Variants in GCNT2 observed in about 807,000 individuals in gnomAD.
GCNT2 encodes the protein glucosaminyl (N-acetyl) transferase 2 (I blood group), also known as N-acetyllactosaminide beta-1,6-N-acetylglucosaminyl-transferase.
A neutral mutation model predicts 34.2 loss-of-function variants in GCNT2; 34 were observed. The observed-to-expected ratio is 1.00, with a 90% CI of 0.76 to 1.32. The LOEUF (loss-of-function observed/expected upper bound fraction) is 1.32. GCNT2 is among the 40% of genes most tolerant of loss of function. The probability of loss-of-function intolerance (pLI) is 0.00; values close to 1 mark genes in which losing one functional copy is unlikely to be tolerated. For missense variants in GCNT2, 584 were observed against 489.4 expected, an observed-to-expected ratio of 1.19 and a Z score of -1.82; for synonymous variants, 212 against 188.0, an observed-to-expected ratio of 1.13 and a Z score of -1.04.
intron 3 of GCNT2, among the ~76,000 whole-genome samples, chr6:10,601,708 G>T (rs1429265324): frequency 6.6e-6 from 1 of 152,128 alleles, no homozygotes; most frequent in Non-Finnish European, 1.5e-5. Context: ...TTGGAAGGCT[G>T]AGGCAGGTGG....
intron 3 of GCNT2, among the ~76,000 whole-genome samples, chr6:10,585,397 A>G (rs1349076309): frequency 6.6e-6 from 1 of 152,096 alleles, no homozygotes; most frequent in East Asian, 1.9e-4. Context: ...TACAGATAAC[A>G]CTAAAATGAA....
chr6:10,539,945 G>A (rs1039505693), intron 3 of GCNT2, among the ~76,000 whole-genome samples: 3 of 152,172 alleles, frequency 2.0e-5, no homozygotes, highest in Admixed American at 6.5e-5. Context: ...GGGCTTGGAG[G>A]CGCGTGCCGG....
At chr6:10,538,796 A>G (rs188209786) in intron 3 of GCNT2, among the ~76,000 whole-genome samples, 23 of 152,308 alleles carry the variant, frequency 1.5e-4, no homozygotes, top group Middle Eastern at 6.8e-3. Flanking sequence ...TGCTTTGCCA[A>G]TTATACCATC....
chr6:10,533,526 G>A (rs751054650), intron 3 of GCNT2, among the ~76,000 whole-genome samples: 5 of 152,022 alleles, frequency 3.3e-5, no homozygotes, highest in Non-Finnish European at 2.9e-5. Context: ...GGTGGCTCTC[G>A]CCTGTAATCC....
chr6:10,582,135 A>T (rs1212772795), intron 3 of GCNT2, among the ~76,000 whole-genome samples: 9 of 139,078 alleles, frequency 6.5e-5, no homozygotes, highest in Non-Finnish European at 9.1e-5. Context: ...ATAAATGCAT[A>T]TATGATATAT....
intron 3 of GCNT2, among the ~76,000 whole-genome samples, chr6:10,599,537 G>T (rs1053911399): frequency 6.6e-6 from 1 of 152,176 alleles, no homozygotes; most frequent in Non-Finnish European, 1.5e-5. Context: ...ACAGTGTGCC[G>T]TATGAATTAG....
intron 3 of GCNT2, among the ~76,000 whole-genome samples, chr6:10,618,121 A>G (rs1213244007): frequency 6.6e-6 from 1 of 152,196 alleles, no homozygotes; most frequent in Non-Finnish European, 1.5e-5. Flanking sequence ...CCACACTCAA[A>G]AAGCAAGGCT....
At chr6:10,524,387 A>G (rs929188999) in intron 1 of GCNT2, among the ~76,000 whole-genome samples, 2 of 151,598 alleles carry the variant, frequency 1.3e-5, no homozygotes, top group Admixed American at 1.3e-4. Context: ...GAGTAGCTGG[A>G]ATTAACAGGC....
At chr6:10,522,013 G>C (rs138434037) in intron 1 of GCNT2, among the ~76,000 whole-genome samples, 3,229 of 151,764 alleles carry the variant, frequency 0.021, 136 homozygotes, top group African/African-American at 0.074. Context: ...TCAGCCTCCT[G>C]AGTAGCTGGG....
chr6:10,617,118 C>T lies in GCNT2; in HGVS notation c.926-4233C>T, dbSNP rs370014923. 4.2e-4 allele frequency among the ~76,000 whole-genome samples: 64 copies of T among 152,238 alleles called. 1 individual carries two copies. Among genetic ancestry groups the T allele is most frequent in the East Asian group, 3.9e-3 (20 of 5,160 alleles). On this transcript the variant is annotated intron_variant, in intron 3 of 4. Coordinates refer to ENST00000495262, the MANE Select transcript of GCNT2 (RefSeq NM_145649.5). ...GCACCATGGAGCAGGGAGGGGTGCT[C>T]GTTGGGGAGGCTCTGGCCGCGCAGG...
chr6:10,529,232 C>A lies in GCNT2; in HGVS notation c.321C>A (p.Phe107Leu), dbSNP rs113929825. 1.9e-6 allele frequency: 3 copies of A among 1,614,158 alleles called. No homozygotes were observed. The highest frequency in any genetic ancestry group is 1.1e-5 in the South Asian group (1 of 91,082). The part of the protein sequence containing the change: ...LAYTVTIHKD[F>L]GTFERLFRAI... ...ACACAGTGACCATCCACAAAGACTT[C>A]GGCACTTTTGAGAGGCTCTTCAGGG... is the stretch of plus-strand genomic sequence containing the variant. Residue 107 changes from phenylalanine (F) to leucine (L), a missense_variant, in exon 3 of 5, where the codon TTC becomes TTA. Phe to Leu is a conservative substitution (Grantham distance 22, BLOSUM62 0). Transcript: ENST00000495262.
At chr6:10,623,481 G>C (rs904385776) in intron 4 of GCNT2, among the ~76,000 whole-genome samples, 1 of 151,822 alleles carries the variant, frequency 6.6e-6, no homozygotes, top group South Asian at 2.1e-4. Flanking sequence ...TAGTAGAGAC[G>C]GGGTTTCACC....
Position 10,564,236 on chromosome 6 carries a change from G to A in GCNT2, c.925+34400G>A, listed in dbSNP as rs558331130. 2.6e-5 allele frequency among the ~76,000 whole-genome samples: 4 copies of A among 152,268 alleles called. No homozygotes were observed. The East Asian group carries it at 7.7e-4, about 29-fold the overall frequency. Reference sequence around the variant, plus strand: ...CCACATTTTGCAAATATGAAGACGGGACCAGAGGGGCTGAGTAATGTGCCC... The same window carrying A: ...CCACATTTTGCAAATATGAAGACGGAACCAGAGGGGCTGAGTAATGTGCCC... On this transcript the variant is annotated intron_variant, in intron 3 of 4. Transcript: ENST00000495262.
At chr6:10,534,625 G>A (rs1761675520) in intron 3 of GCNT2, among the ~76,000 whole-genome samples, 1 of 152,166 alleles carries the variant, frequency 6.6e-6, no homozygotes, top group African/African-American at 2.4e-5. Flanking sequence ...TGTCCAATCA[G>A]CTGTGACCAG....
chr6:10,585,901 A>G, intron 3 of GCNT2: 2 of 1,589,186 alleles, frequency 1.3e-6, no homozygotes, highest in Admixed American at 1.7e-5. Context: ...GAAATTCAAG[A>G]CTGGCAAGAG....
intron 3 of GCNT2, among the ~76,000 whole-genome samples, chr6:10,576,530 A>C (rs1318666153): frequency 3.3e-5 from 5 of 152,200 alleles, no homozygotes; most frequent in Non-Finnish European, 7.3e-5. Context: ...AATTAAAAAA[A>C]CAAAAATCTA....
At chr6:10,624,722 T>C (rs1193625833) in intron 4 of GCNT2, among the ~76,000 whole-genome samples, 2 of 152,222 alleles carry the variant, frequency 1.3e-5, no homozygotes, top group Non-Finnish European at 2.9e-5. Flanking sequence ...TAGAGCTGTG[T>C]GGACACCTTC....
chr6:10,568,379 T>C (rs951058365), intron 3 of GCNT2, among the ~76,000 whole-genome samples: 3 of 152,084 alleles, frequency 2.0e-5, no homozygotes, highest in African/African-American at 7.2e-5. Flanking sequence ...GCACATTCCA[T>C]ACGTTTTGTC....
At chr6:10,561,664 T>C (rs1376501437) in intron 3 of GCNT2, among the ~76,000 whole-genome samples, 2 of 152,346 alleles carry the variant, frequency 1.3e-5, no homozygotes, top group Admixed American at 6.5e-5. Context: ...CCCCACTCTT[T>C]GGCTTCAGCT....
Sources: allele counts gnomAD v4.1 joint callset (sites outside exome capture counted in the v4.1 genomes callset), GRCh38; gene constraint gnomAD v4.1.1; transcripts MANE v1.5; gene names NCBI Gene and HGNC (gene_info 2026-07-23, HGNC 2026-07-21).